TCF20: variants seen among roughly 807,000 people sequenced by gnomAD.
The protein encoded by TCF20 is SPRE-binding protein.
In TCF20, 3 loss-of-function variants were observed where a neutral mutation model predicts 148.6. The observed-to-expected ratio is 0.02, with a 90% CI of 0.01 to 0.05. The LOEUF is 0.05. TCF20 is among the 10% of genes least tolerant of loss of function. The pLI is 1.00. For missense variants in TCF20, 2,350 were observed against 2,429.3 expected (o/e 0.97, Z 0.69); for synonymous variants, 1,049 against 909.5 (o/e 1.15, Z -2.76).
rs150003892 is a variant in TCF20 at position 42,160,605 on chromosome 22, G to A, written c.*798C>T. The A allele has an allele frequency of 7.9e-5, 12 of 151,270 alleles. No individual in the cohort carries two copies. The highest frequency in any genetic ancestry group is 2.9e-4 in the African/African-American group (12 of 40,814). The allele number at this position is 151,270 out of a possible 1,614,324, so 9.4% of individuals were successfully genotyped here. On this transcript the variant is annotated 3_prime_UTR_variant, in exon 6 of 6. Coordinates refer to ENST00000677622, the MANE Select transcript of TCF20 (RefSeq NM_001378418.1). ...GACCCAGGACACAGCTATGACCTCAGGCATCTGCCAATTTCACCCCCAAAA... is the reference window on the plus strand; with the variant it reads ...GACCCAGGACACAGCTATGACCTCAAGCATCTGCCAATTTCACCCCCAAAA...
chr22:42,297,232 T>C lies in TCF20; in HGVS notation c.-37+46247A>G, dbSNP rs572874441. 6.6e-6 allele frequency among the ~76,000 whole-genome samples: 1 copy of C among 152,176 alleles called. No individual in the cohort carries two copies. Among genetic ancestry groups the C allele is most frequent in the Non-Finnish European group, 1.5e-5 (1 of 68,016 alleles). On this transcript the variant is annotated intron_variant, in intron 1 of 1. Coordinates refer to the TCF20 transcript ENST00000515426. This position sits in a 1 kb window ranked among gnomAD's most constrained non-coding sequence, Gnocchi z 4.3. ...GAAAATGGGCATGATCAGAGAGGGC[T>C]ACGCTGTAGAACTGACCAGGGGGCT...
chr22:42,295,489 G>A (rs1169112384), intron 1 of TCF20, among the ~76,000 whole-genome samples: 2 of 150,568 alleles, frequency 1.3e-5, no homozygotes, highest in Non-Finnish European at 3.0e-5. Context: ...TGTTGCCCGG[G>A]CTGGAGTGCA....
intron 2 of TCF20, among the ~76,000 whole-genome samples, chr22:42,206,780 A>G (rs1938416247): frequency 6.6e-6 from 1 of 152,222 alleles, no homozygotes; most frequent in Admixed American, 6.5e-5. Flanking sequence ...TTTCAAATAT[A>G]TATTTCACAT....
At chr22:42,200,133 T>C (rs1256863694) in intron 2 of TCF20, among the ~76,000 whole-genome samples, 1 of 152,224 alleles carries the variant, frequency 6.6e-6, no homozygotes, top group African/African-American at 2.4e-5. Flanking sequence ...TATCTAAACA[T>C]GTATATTAGG....
chr22:42,189,223 C>T (rs370309287), intron 2 of TCF20, among the ~76,000 whole-genome samples: 22 of 152,210 alleles, frequency 1.4e-4, no homozygotes, highest in East Asian at 9.7e-4. Flanking sequence ...AAGGTAAAAC[C>T]GACAGGACTT....
intron 1 of TCF20, among the ~76,000 whole-genome samples, chr22:42,224,984 G>A (rs1370755064): frequency 6.8e-6 from 1 of 148,036 alleles, no homozygotes; most frequent in Non-Finnish European, 1.5e-5. Flanking sequence ...ATTAATTTTT[G>A]TGTAGGAAAT....
intron 1 of TCF20, among the ~76,000 whole-genome samples, chr22:42,311,257 G>C (rs896319067): frequency 3.9e-5 from 6 of 152,256 alleles, no homozygotes; most frequent in African/African-American, 1.2e-4. Flanking sequence ...GAGGCAGAAG[G>C]GGGCTGCCTA....
intron 1 of TCF20, among the ~76,000 whole-genome samples, chr22:42,337,363 C>T (rs998280961): frequency 1.3e-5 from 2 of 152,072 alleles, no homozygotes; most frequent in Non-Finnish European, 2.9e-5. Context: ...CATCCCTGCT[C>T]ACCCTTGCAT....
chr22:42,169,635 CTCA>C (rs1935999202), intron 4 of TCF20, among the ~76,000 whole-genome samples: 1 of 152,150 alleles, frequency 6.6e-6, no homozygotes, highest in Admixed American at 6.5e-5. Context: ...TCCTGGGATC[CTCA>C]TAATACTCCG....
chr22:42,319,004 A>T lies in TCF20; in HGVS notation c.-37+24475T>A, dbSNP rs899899357. Among the ~76,000 whole-genome samples, 4 of 152,182 alleles carry T rather than the reference A, an allele frequency of 2.6e-5. No individual in the cohort carries two copies. The East Asian group carries it at 7.7e-4, about 29-fold the overall frequency. On this transcript the variant is annotated intron_variant, in intron 1 of 1. Coordinates refer to the TCF20 transcript ENST00000515426. Reference sequence around the variant, plus strand: ...CTGTGTTCTAAAGGCATTCTCTGACACCTGCTCTGTGCCACACCTTGTAAG... The same window carrying T: ...CTGTGTTCTAAAGGCATTCTCTGACTCCTGCTCTGTGCCACACCTTGTAAG...
intron 1 of TCF20, among the ~76,000 whole-genome samples, chr22:42,321,091 A>C (rs1210369878): frequency 6.6e-6 from 1 of 152,242 alleles, no homozygotes; most frequent in African/African-American, 2.4e-5. Flanking sequence ...GCAACTGTAA[A>C]AGCCGCGCGC....
At chr22:42,262,239 C>A (rs1302655181) in intron 1 of TCF20, among the ~76,000 whole-genome samples, 2 of 152,094 alleles carry the variant, frequency 1.3e-5, no homozygotes, top group African/African-American at 2.4e-5. Context: ...GAGGCAGACA[C>A]CAGCAGAAAT....
chr22:42,211,273 G>T lies in TCF20; in HGVS notation c.4033C>A (p.Arg1345=), dbSNP rs752829178. 5.0e-6 allele frequency: 8 copies of T among 1,613,974 alleles called. No homozygotes were observed. In the Admixed American group the frequency reaches 1.2e-4, roughly 24 times the overall value. Residue 1345 remains arginine (R), a synonymous_variant, in exon 2 of 6, where the codon CGG becomes AGG. Transcript: ENST00000677622. ...TCCAATTTCAATCCCCGTCCTTTCC[G>T]TGGGGGCAGTATTTTGGTCTTAGCA... ...SPAKTKILPP[R]KGRGLKLEAI...
intron 2 of TCF20, 130 bp from the exon 3 acceptor site, chr22:42,179,832 T>C (rs972250893): frequency 1.5e-6 from 1 of 653,320 alleles, no homozygotes; most frequent in Non-Finnish European, 2.8e-6. Context: ...GGTGGCAGGA[T>C]GAGCTGGTCA....
rs530966797 is a variant in TCF20, at chr22:42,297,601, G to T, written c.-37+45878C>A. On this transcript the variant is annotated intron_variant, in intron 1 of 1. Transcript: ENST00000515426. This position sits in a 1 kb window ranked among gnomAD's most constrained non-coding sequence, Gnocchi z 4.3. ...AGCCATGAAAGCCCATGATCCCTGA[G>T]CCTCGAGCTCAGCCCCCAGGAGCTT... 6.6e-6 allele frequency among the ~76,000 whole-genome samples: 1 copy of T among 152,324 alleles called. No homozygotes were observed. Among genetic ancestry groups the T allele is most frequent in the South Asian group, 2.1e-4 (1 of 4,832 alleles).
Position 42,279,313 on chromosome 22 carries a change from TG to T in TCF20, c.-37+4513del, listed in dbSNP as rs1305159543. Among the ~76,000 whole-genome samples, 2 of 152,114 alleles carry T rather than the reference TG, an allele frequency of 1.3e-5. No homozygotes were observed. The highest frequency in any genetic ancestry group is 4.8e-5 in the African/African-American group (2 of 41,400). ...TGAGGTCAGGAGTTCGAAACCAGCCTGGCCAACATGGTGAAACCCTATCTCT... is the reference window on the plus strand; with the variant it reads ...TGAGGTCAGGAGTTCGAAACCAGCCTGCCAACATGGTGAAACCCTATCTCT... On this transcript the variant is annotated intron_variant, in intron 1 of 5. Coordinates refer to the TCF20 transcript ENST00000359486. This position sits in a 1 kb window ranked among gnomAD's most constrained non-coding sequence, Gnocchi z 4.3.
chr22:42,237,661 A>C (rs1924004773), intron 1 of TCF20, among the ~76,000 whole-genome samples: 1 of 152,238 alleles, frequency 6.6e-6, no homozygotes. Flanking sequence ...CTTAAATAAG[A>C]CTTGAAAATC....
At chr22:42,206,237 G>T (rs546959883) in intron 2 of TCF20, among the ~76,000 whole-genome samples, 2 of 152,134 alleles carry the variant, frequency 1.3e-5, no homozygotes, top group Non-Finnish European at 2.9e-5. Flanking sequence ...CTGTCAGATG[G>T]TCACATACAC....
At chr22:42,239,686 G>C (rs115611539) in intron 1 of TCF20, among the ~76,000 whole-genome samples, 3,279 of 152,228 alleles carry the variant, frequency 0.022, 137 homozygotes, top group African/African-American at 0.074. Context: ...TACTCACGAG[G>C]CTGAGGGGGA....
Sources: allele counts gnomAD v4.1 joint callset (sites outside exome capture counted in the v4.1 genomes callset), GRCh38; gene constraint gnomAD v4.1.1; non-coding constraint Gnocchi (gnomAD v3.1); transcripts MANE v1.5; gene names NCBI Gene and HGNC (gene_info 2026-07-23, HGNC 2026-07-21).